The following TDRD1 variants were observed in gnomAD, a reference collection of about 807,000 sequenced individuals.
TDRD1 encodes the protein tudor domain-containing protein 1.
TDRD1 carries 37 observed loss-of-function variants against 140.6 expected under a neutral mutation model. The ratio of observed to expected loss-of-function variants is 0.26; its 90% confidence interval spans 0.20 to 0.35. The LOEUF (loss-of-function observed/expected upper bound fraction) is 0.35, where lower values mean the gene tolerates loss of function less well. Among genes scored for constraint, TDRD1 ranks in the 10% least tolerant of loss-of-function variants. The pLI is 1.00. For synonymous variants in TDRD1, 506 were observed against 475.7 expected (o/e 1.06, Z -0.83); for missense variants, 1,243 against 1,393.0 (o/e 0.89, Z 1.71).
At chr10:114,200,558 C>T (rs1020396307) in intron 4 of TDRD1, among the ~76,000 whole-genome samples, 1 of 152,142 alleles carries the variant, frequency 6.6e-6, no homozygotes, top group Non-Finnish European at 1.5e-5. Flanking sequence ...AGTCTGTTTT[C>T]ACTACAAGAA....
intron 9 of TDRD1, 95 bp downstream of exon 9, chr10:114,204,311 T>G: frequency 7.6e-7 from 1 of 1,321,604 alleles, no homozygotes; most frequent in Non-Finnish European, 1.0e-6. Context: ...TCTATTCTGC[T>G]GTGTTACTGT....
rs150950210 is a variant in TDRD1 at position 114,225,190 on chromosome 10, G to A, written c.3008-859G>A. Reference sequence around the variant, plus strand: ...ACCTCCAGTCTTCTGCCCTCAAGTAGCAGCATTATTAAAACATGGGAACAC... The same window carrying A: ...ACCTCCAGTCTTCTGCCCTCAAGTAACAGCATTATTAAAACATGGGAACAC... On this transcript the variant is annotated intron_variant, in intron 21 of 25. Coordinates refer to ENST00000251864, the Ensembl canonical transcript of TDRD1. 2.2e-3 allele frequency among the ~76,000 whole-genome samples: 328 copies of A among 152,314 alleles called. 1 individual carries two copies. Among genetic ancestry groups the A allele is most frequent in the Middle Eastern group, 3.4e-3 (1 of 294 alleles).
intron 9 of TDRD1, 62 bp downstream of exon 9, chr10:114,204,278 T>G: frequency 6.6e-7 from 1 of 1,504,454 alleles, no homozygotes; most frequent in Non-Finnish European, 8.9e-7. Flanking sequence ...GTCAATGTTT[T>G]GATGGGCACA....
chr10:114,193,603 C>G (rs747055935), intron 3 of TDRD1, among the ~76,000 whole-genome samples: 8 of 152,042 alleles, frequency 5.3e-5, no homozygotes, highest in Non-Finnish European at 7.4e-5. Context: ...CCACTGAAGT[C>G]CTTTTAAGAT....
At chr10:114,203,676 G>C (rs2034911790) in intron 8 of TDRD1, 109 bp downstream of exon 8, 2 of 975,584 alleles carry the variant, frequency 2.1e-6, no homozygotes, top group Non-Finnish European at 3.0e-6. Flanking sequence ...GCCAGCCTCT[G>C]ATCACGCTTC....
rs1200007786 is a variant in TDRD1 at position 114,202,700 on chromosome 10, T to C, written c.697-372T>C. ...GTGTCCAACTCGTATTTATGAATAA[T>C]TTTTAGCTTTCTTTAACTGCTTCTA... On this transcript the variant is annotated intron_variant, in intron 6 of 25. Coordinates refer to ENST00000251864, the Ensembl canonical transcript of TDRD1. Among the ~76,000 whole-genome samples, 5 of 152,254 alleles carry C rather than the reference T, an allele frequency of 3.3e-5. 1 individual carries two copies. The highest frequency in any genetic ancestry group is 2.6e-4 in the Admixed American group (4 of 15,290).
At chr10:114,198,144 C>G (rs750137758) in intron 3 of TDRD1, among the ~76,000 whole-genome samples, 1 of 152,158 alleles carries the variant, frequency 6.6e-6, no homozygotes, top group Non-Finnish European at 1.5e-5. Flanking sequence ...CAACTAATTG[C>G]TTTCTGGCTG....
At chr10:114,232,240 A>G (rs1303069148) in exon 26 of TDRD1, 1 of 150,468 alleles carries the variant, frequency 6.6e-6, no homozygotes, top group African/African-American at 2.4e-5. Flanking sequence ...CTGTAGCTAG[A>G]TTTTTGTTGT....
At chr10:114,197,551 G>A (rs564911070) in intron 3 of TDRD1, among the ~76,000 whole-genome samples, 5 of 150,014 alleles carry the variant, frequency 3.3e-5, no homozygotes, top group East Asian at 1.9e-4. Context: ...GATGTTGGGC[G>A]CTTGATTTTT....
chr10:114,206,815 A>G (rs2035149190), intron 11 of TDRD1, among the ~76,000 whole-genome samples: 1 of 152,008 alleles, frequency 6.6e-6, no homozygotes, highest in South Asian at 2.1e-4. Flanking sequence ...GGGTTTCACC[A>G]TGTTGGCCAG....
chr10:114,231,610 A>G, exon 26 of TDRD1: 1 of 1,071,204 alleles, frequency 9.3e-7, no homozygotes, highest in South Asian at 1.6e-5. Context: ...CTTTCTCTGT[A>G]ATGACCTTCT....
intron 3 of TDRD1, among the ~76,000 whole-genome samples, chr10:114,196,833 C>CTT (rs36124319): frequency 0.062 from 3,012 of 48,224 alleles, 891 homozygotes; most frequent in African/African-American, 0.07. Context: ...TTCTAGCAGT[C>CTT]TTTTTTTTTT....
chr10:114,212,660 T>G (rs1268613032), intron 14 of TDRD1, among the ~76,000 whole-genome samples: 1 of 152,220 alleles, frequency 6.6e-6, no homozygotes, highest in East Asian at 1.9e-4. Context: ...ATTGCTGATT[T>G]GTAAGTGCCC....
At chr10:114,230,187 G>GT (rs1218674981) in intron 25 of TDRD1, among the ~76,000 whole-genome samples, 1 of 152,112 alleles carries the variant, frequency 6.6e-6, no homozygotes, top group Non-Finnish European at 1.5e-5. Context: ...TCTTATCTGT[G>GT]TAACAGGCAT....
At chr10:114,187,587 G>A (rs528753562) in intron 1 of TDRD1, among the ~76,000 whole-genome samples, 1 of 152,216 alleles carries the variant, frequency 6.6e-6, no homozygotes, top group Non-Finnish European at 1.5e-5. Context: ...TGAACGCTGA[G>A]ATTTTTGATT....
intron 25 of TDRD1, among the ~76,000 whole-genome samples, chr10:114,229,547 CTTTTT>C (rs34051507): frequency 2.4e-5 from 3 of 126,246 alleles, no homozygotes; most frequent in Admixed American, 8.3e-5. Context: ...ATCTTTTAAT[CTTTTT>C]TTTTTTTTTT....
chr10:114,184,791 T>A lies in TDRD1; in HGVS notation c.-6-3035T>A, dbSNP rs544094138. On this transcript the variant is annotated intron_variant, in intron 1 of 25. Transcript: ENST00000251864. Reference sequence around the variant, plus strand: ...GCTATCATTTCCTTTGTGATTTTTTTAACTACTTTTAAACTAAAGAAACTC... The same window carrying A: ...GCTATCATTTCCTTTGTGATTTTTTAAACTACTTTTAAACTAAAGAAACTC... 5.9e-5 allele frequency among the ~76,000 whole-genome samples: 9 copies of A among 152,378 alleles called. No homozygotes were observed. In the South Asian group the frequency reaches 1.4e-3, roughly 25 times the overall value.
At chr10:114,213,289 C>T in intron 14 of TDRD1, 57 bp from the exon 15 acceptor site, 1 of 1,536,274 alleles carries the variant, frequency 6.5e-7, no homozygotes, top group Non-Finnish European at 8.8e-7. Flanking sequence ...AAATTAGGAG[C>T]TAAATTTCTA....
At chr10:114,193,584 C>T (rs535546767) in intron 3 of TDRD1, among the ~76,000 whole-genome samples, 2 of 152,272 alleles carry the variant, frequency 1.3e-5, no homozygotes, top group South Asian at 4.1e-4. Flanking sequence ...CGTGAGCCAC[C>T]GGGACCAGCC....
Sources: gnomAD v4.1 joint callset for allele counts (sites outside exome capture counted in the v4.1 genomes callset) on GRCh38, gnomAD v4.1.1 for gene constraint, MANE v1.5 for transcripts, NCBI Gene and HGNC (gene_info 2026-07-23, HGNC 2026-07-21) for gene names.